The following APOL1 variants were observed in gnomAD, a reference collection of about 807,000 sequenced individuals.
APOL1 encodes the protein apolipoprotein L1, also known as apolipoprotein L 1.
In APOL1, 17 loss-of-function variants were observed where a neutral mutation model predicts 14.9. The ratio of observed to expected loss-of-function variants is 1.14; its 90% CI spans 0.78 to 1.71. The LOEUF is 1.71. Ranked by LOEUF, APOL1 falls within the 40% of genes most tolerant of loss-of-function variation. The probability of loss-of-function intolerance (pLI) is 0.00; values close to 1 mark genes in which losing one functional copy is unlikely to be tolerated. For missense variants in APOL1, 523 were observed against 485.9 expected (o/e 1.08, Z -0.72); for synonymous variants, 195 against 184.8 (o/e 1.05, Z -0.45).
In APOL1 at chr22:36,253,703, A is replaced by C. The variant is rs757689902; in HGVS notation, c.-20+484A>C. 6 of 545,194 alleles carry C rather than the reference A, an allele frequency of 1.1e-5. No individual in the cohort carries two copies. The Admixed American group carries it at 1.8e-4, about 17-fold the overall frequency. The allele number at this position is 545,194 out of a possible 1,614,324, so 33.8% of individuals were successfully genotyped here. ...CTCACCCACCCTGAGTCTGAGCACC[A>C]ACTTGTGCCAGGCCCTGTGGGGAAA... On this transcript the variant is annotated intron_variant, in intron 1 of 5. Coordinates refer to ENST00000397278, the MANE Select transcript of APOL1 (RefSeq NM_003661.4).
intron 2 of APOL1, among the ~76,000 whole-genome samples, 176 bp downstream of exon 2, chr22:36,255,175 A>T (rs893868056): frequency 1.9e-4 from 29 of 152,232 alleles, no homozygotes; most frequent in African/African-American, 7.0e-4. Context: ...ATCCTAGTTG[A>T]GGCTAACGGT....
chr22:36,257,813 G>A (rs2015939787), intron 4 of APOL1, among the ~76,000 whole-genome samples: 1 of 152,252 alleles, frequency 6.6e-6, no homozygotes, highest in Middle Eastern at 3.4e-3. Flanking sequence ...TGACCCTGGG[G>A]TGTTTCCACC....
At position 36,266,133 on chromosome 22, in the gene APOL1, C is replaced by A; in HGVS notation, c.*100C>A. 2.3e-6 allele frequency: 3 copies of A among 1,319,402 alleles called. No homozygotes were observed. The highest frequency in any genetic ancestry group is 2.4e-5 in the East Asian group (1 of 42,078). 81.7% of individuals were successfully genotyped at this position (1,319,402 alleles called of 1,614,324 possible). On this transcript the variant is annotated 3_prime_UTR_variant, in exon 6 of 6. Transcript: ENST00000397278. ...CTGAGACAGAGTCTTGCTCTGTCGC[C>A]AAGTTGGAGTGCAATGGTGCGATCT...
In APOL1 at chr22:36,266,477, A is replaced by C; in HGVS notation, c.*444A>C. ...AGGGACTTTGGCATTTCCATAGCTG[A>C]GCACAGCAGGGGAGGGGTTAATGCA... On this transcript the variant is annotated 3_prime_UTR_variant, in exon 6 of 6. Transcript: ENST00000397278. 4.9e-6 allele frequency: 2 copies of C among 404,864 alleles called. No individual in the cohort carries two copies. 25.1% of individuals were successfully genotyped at this position (404,864 alleles called of 1,614,324 possible).
chr22:36,263,822 G>T (rs1364498377), intron 5 of APOL1, among the ~76,000 whole-genome samples: 2 of 152,220 alleles, frequency 1.3e-5, no homozygotes, highest in South Asian at 2.1e-4. Flanking sequence ...ACACCAGGGT[G>T]GGGGCGGGAG....
intron 4 of APOL1, chr22:36,259,609 G>A (rs1349626615): frequency 1.6e-6 from 2 of 1,250,694 alleles, no homozygotes; most frequent in African/African-American, 3.1e-5. Flanking sequence ...GAAGGGCTGG[G>A]CTGGGGGACT....
At chr22:36,259,740 C>T in intron 4 of APOL1, 1 of 1,304,232 alleles carries the variant, frequency 7.7e-7, no homozygotes, top group Non-Finnish European at 1.0e-6. Flanking sequence ...ACAGAGGCAA[C>T]ATGGAGGTGC....
chr22:36,261,283 T>A (rs129423), intron 4 of APOL1, among the ~76,000 whole-genome samples: 1 of 152,152 alleles, frequency 6.6e-6, no homozygotes. Flanking sequence ...GCTCACACAG[T>A]CTTCTTGTGT....
chr22:36,263,253 A>C (rs80424), intron 5 of APOL1, among the ~76,000 whole-genome samples: 129,730 of 152,202 alleles, frequency 0.85, 55,682 homozygotes, highest in African/African-American at 0.95. Context: ...AGTGGCCAGA[A>C]CCAGTAGCCT....
chr22:36,266,134 A>G lies in APOL1; in HGVS notation c.*101A>G. 7.6e-7 allele frequency: 1 copy of G among 1,312,974 alleles called. No individual in the cohort carries two copies. The highest frequency in any genetic ancestry group is 2.4e-5 in the East Asian group (1 of 41,970). 81.3% of individuals were successfully genotyped at this position (1,312,974 alleles called of 1,614,324 possible). A position where few individuals can be genotyped will look rare whatever the true frequency, so the allele number is the denominator to read the frequency against. On this transcript the variant is annotated 3_prime_UTR_variant, in exon 6 of 6. Transcript: ENST00000397278. ...TGAGACAGAGTCTTGCTCTGTCGCC[A>G]AGTTGGAGTGCAATGGTGCGATCTC...
In APOL1 at chr22:36,265,843, C is replaced by T. The variant is rs553515630; in HGVS notation, c.1007C>T (p.Thr336Met). Residue 336 changes from threonine to methionine, a missense_variant, in exon 6 of 6, where the codon ACG becomes ATG. Coordinates refer to ENST00000397278, the MANE Select transcript of APOL1 (RefSeq NM_003661.4). Reference protein sequence around the residue: ...ILEMSRGVKLTDVAPVSFFLV... With the variant: ...ILEMSRGVKLMDVAPVSFFLV... The stretch of plus-strand genomic sequence containing the variant: ...GAAATGAGCAGAGGAGTCAAGCTCA[C>T]GGATGTGGCCCCTGTAAGCTTCTTT... 199 of 1,614,028 alleles carry T rather than the reference C, an allele frequency of 1.2e-4. No homozygotes were observed. Among genetic ancestry groups the T allele is most frequent in the Non-Finnish European group, 1.6e-4 (183 of 1,180,046 alleles).
At chr22:36,260,061 T>A in intron 4 of APOL1, 1 of 682,322 alleles carries the variant, frequency 1.5e-6, no homozygotes, top group South Asian at 2.1e-5. Flanking sequence ...TTTTGGGCGG[T>A]GACTCTCGCT....
chr22:36,253,243 C>A, intron 1 of APOL1, 24 bp downstream of exon 1: 1 of 409,666 alleles, frequency 2.4e-6, no homozygotes. Context: ...AGTTGACCTG[C>A]CTCCATCTTA....
Position 36,259,637 on chromosome 22 carries a change from C to G in APOL1, c.188-1959C>G, listed in dbSNP as rs529439696. On this transcript the variant is annotated intron_variant, in intron 4 of 5. Coordinates refer to ENST00000397278, the MANE Select transcript of APOL1 (RefSeq NM_003661.4). Reference sequence around the variant, plus strand: ...GGGGGACTGAGGAAAAACTCTCCCCCCAAAACAAGATGATCTGTGGTTTAA... The same window carrying G: ...GGGGGACTGAGGAAAAACTCTCCCCGCAAAACAAGATGATCTGTGGTTTAA... The G allele has an allele frequency of 6.9e-5, 88 of 1,273,020 alleles. 1 individual carries two copies. Among genetic ancestry groups the G allele is most frequent in the East Asian group, 2.9e-4 (5 of 17,350 alleles). 78.9% of individuals were successfully genotyped at this position (1,273,020 alleles called of 1,614,324 possible).
At chr22:36,258,977 C>A (rs1013386639) in intron 4 of APOL1, among the ~76,000 whole-genome samples, 1 of 152,182 alleles carries the variant, frequency 6.6e-6, no homozygotes, top group Non-Finnish European at 1.5e-5. Context: ...TCCCCTCCCC[C>A]TGTCCCTACA....
rs745999086 is a variant in APOL1 at position 36,259,901 on chromosome 22, C to G, written c.188-1695C>G. 8 of 1,299,948 alleles carry G rather than the reference C, an allele frequency of 6.2e-6. No homozygotes were observed. In the South Asian group the frequency reaches 8.7e-5, roughly 14 times the overall value. The allele number at this position is 1,299,948 out of a possible 1,614,324, so 80.5% of individuals were successfully genotyped here. On this transcript the variant is annotated intron_variant, in intron 4 of 5. Transcript: ENST00000397278. ...TGGAGTTTGAGACATTATTTTTAAACTTTAAATAGCCCCACAGGTAAGCTA... is the reference window on the plus strand; with the variant it reads ...TGGAGTTTGAGACATTATTTTTAAAGTTTAAATAGCCCCACAGGTAAGCTA...
At position 36,257,101 on chromosome 22, in the gene APOL1, T is replaced by G. The variant is rs540252132; in HGVS notation, c.63T>G (p.Leu21=). Residue 21 remains leucine, a synonymous_variant, in exon 3 of 6, where the codon CTT becomes CTG. Transcript: ENST00000397278. ...VLCIWMSALF[L]GVGVRAEEAG... is the part of the protein sequence containing the mutation. ...CCAACAGGATGAGTGCACTTTTCCT[T>G]GGTGTGGGAGTGAGGGCAGAGGAAG... 3.8e-5 allele frequency: 62 copies of G among 1,614,128 alleles called. No homozygotes were observed. The African/African-American group carries it at 6.1e-4, about 16-fold the overall frequency.
At chr22:36,260,324 G>A (rs1361912724) in intron 4 of APOL1, among the ~76,000 whole-genome samples, 1 of 152,168 alleles carries the variant, frequency 6.6e-6, no homozygotes, top group African/African-American at 2.4e-5. Flanking sequence ...GAACCCAGGA[G>A]GCAGAGCTTG....
intron 1 of APOL1, 161 bp from the exon 2 acceptor site, chr22:36,254,776 T>C: frequency 1.3e-6 from 1 of 796,738 alleles, no homozygotes; most frequent in East Asian, 3.2e-5. Flanking sequence ...GGCAGGAGAA[T>C]GGCGTGAACC....
Sources: gnomAD v4.1 joint callset for allele counts (sites outside exome capture counted in the v4.1 genomes callset) on GRCh38, gnomAD v4.1.1 for gene constraint, MANE v1.5 for transcripts, NCBI Gene and HGNC (gene_info 2026-07-23, HGNC 2026-07-21) for gene names.